Variants in TCERG1L observed in about 807,000 individuals in gnomAD.
The protein encoded by TCERG1L is transcription elongation regulator 1-like protein.
In TCERG1L, 37 loss-of-function variants were observed where a neutral mutation model predicts 56.3. That is an observed-to-expected ratio of 0.66 (90% CI 0.51 to 0.87). The LOEUF (loss-of-function observed/expected upper bound fraction) is 0.87, where lower values mean the gene tolerates loss of function less well. Among genes scored for constraint, TCERG1L ranks in the 40% least tolerant of loss-of-function variants. The pLI is 0.00. For missense variants in TCERG1L, 799 were observed against 774.2 expected (o/e 1.03, Z -0.38); for synonymous variants, 324 against 326.3 (o/e 0.99, Z 0.08).
intron 11 of TCERG1L, among the ~76,000 whole-genome samples, chr10:131,096,669 G>C (rs1279200113): frequency 6.6e-6 from 1 of 152,174 alleles, no homozygotes; most frequent in African/African-American, 2.4e-5. Context: ...GGGAGGCCAA[G>C]GCGGGTGGAT....
intron 4 of TCERG1L, among the ~76,000 whole-genome samples, chr10:131,171,370 G>A (rs896732327): frequency 3.3e-5 from 5 of 152,000 alleles, no homozygotes; most frequent in African/African-American, 4.8e-5. Flanking sequence ...TCCGTATTGC[G>A]CTTCTCAGTC....
At chr10:131,270,876 C>A (rs1846332610) in intron 3 of TCERG1L, among the ~76,000 whole-genome samples, 1 of 152,186 alleles carries the variant, frequency 6.6e-6, no homozygotes, top group South Asian at 2.1e-4. Context: ...TGGCCTGAAT[C>A]CCACCCTGCC....
chr10:131,144,661 A>G (rs1845775637), intron 7 of TCERG1L, among the ~76,000 whole-genome samples: 1 of 152,218 alleles, frequency 6.6e-6, no homozygotes, highest in Non-Finnish European at 1.5e-5. Flanking sequence ...AAATCGTTTT[A>G]TAACCACATG....
intron 4 of TCERG1L, among the ~76,000 whole-genome samples, chr10:131,210,442 A>G (rs1032622300): frequency 3.3e-5 from 5 of 152,172 alleles, no homozygotes; most frequent in African/African-American, 1.2e-4. Context: ...TCCACTCTCC[A>G]AAGACCCTCT....
intron 4 of TCERG1L, among the ~76,000 whole-genome samples, chr10:131,180,899 C>T (rs1310989059): frequency 3.3e-5 from 5 of 152,118 alleles, no homozygotes; most frequent in East Asian, 1.9e-4. Context: ...TGAATCCCCA[C>T]GCTTCCCATC....
intron 4 of TCERG1L, among the ~76,000 whole-genome samples, chr10:131,204,645 C>A (rs1426158308): frequency 6.6e-6 from 1 of 152,224 alleles, no homozygotes; most frequent in Non-Finnish European, 1.5e-5. Flanking sequence ...AATCAAAGGA[C>A]ATCTGTCCAG....
chr10:131,258,815 C>A (rs1846203115), intron 4 of TCERG1L, among the ~76,000 whole-genome samples: 1 of 152,072 alleles, frequency 6.6e-6, no homozygotes, highest in Non-Finnish European at 1.5e-5. Context: ...TGTTATGTCA[C>A]CTTATAAATC....
intron 4 of TCERG1L, among the ~76,000 whole-genome samples, chr10:131,246,742 G>C (rs1370135111): frequency 6.6e-6 from 1 of 152,130 alleles, no homozygotes; most frequent in Non-Finnish European, 1.5e-5. Context: ...GGAGGAATTG[G>C]GCAGCCACCT....
intron 8 of TCERG1L, among the ~76,000 whole-genome samples, chr10:131,130,137 A>AG (rs1223004556): frequency 6.6e-6 from 1 of 150,944 alleles, no homozygotes; most frequent in East Asian, 2.0e-4. Context: ...CGGTTCTGGG[A>AG]GGCCTCACAA....
rs567503759 is a variant in TCERG1L at position 131,282,837 on chromosome 10, C to T, written c.671-22393G>A. ...GTACATTCTTACCTGCATGATGTTA[C>T]CAGAGTTTTAAAGGAAAAAAAAGTA... On this transcript the variant is annotated intron_variant, in intron 3 of 11. Coordinates refer to ENST00000368642, the MANE Select transcript of TCERG1L (RefSeq NM_174937.4). Among the ~76,000 whole-genome samples, 21 of 152,154 alleles carry T rather than the reference C, an allele frequency of 1.4e-4. 1 individual carries two copies. The highest frequency in any genetic ancestry group is 5.1e-4 in the African/African-American group (21 of 41,512).
chr10:131,153,686 CAG>C (rs886825940), intron 6 of TCERG1L, among the ~76,000 whole-genome samples: 81 of 152,332 alleles, frequency 5.3e-4, no homozygotes, highest in African/African-American at 1.8e-3. Context: ...TTCTCAGATG[CAG>C]AGACACCCAA....
At chr10:131,173,833 C>T (rs189232807) in intron 4 of TCERG1L, among the ~76,000 whole-genome samples, 14 of 152,310 alleles carry the variant, frequency 9.2e-5, no homozygotes, top group Middle Eastern at 3.4e-3. Flanking sequence ...ACAGTGTCCT[C>T]CAGATGATGT....
At chr10:131,219,731 T>C (rs1845711081) in intron 4 of TCERG1L, among the ~76,000 whole-genome samples, 1 of 152,216 alleles carries the variant, frequency 6.6e-6, no homozygotes, top group African/African-American at 2.4e-5. Flanking sequence ...CGGGGCTGGA[T>C]ATGGGCCCTG....
intron 4 of TCERG1L, among the ~76,000 whole-genome samples, chr10:131,223,463 T>C (rs1182773533): frequency 6.6e-6 from 1 of 152,212 alleles, no homozygotes. Flanking sequence ...TCAGATACTG[T>C]TTTGGGTCCA....
chr10:131,277,206 C>T (rs1846402414), intron 3 of TCERG1L, among the ~76,000 whole-genome samples: 1 of 152,138 alleles, frequency 6.6e-6, no homozygotes, highest in African/African-American at 2.4e-5. Flanking sequence ...TCTGCTCCTC[C>T]ACCCCACGAG....
intron 4 of TCERG1L, among the ~76,000 whole-genome samples, chr10:131,241,150 C>T (rs982712947): frequency 3.4e-5 from 5 of 147,008 alleles, no homozygotes; most frequent in South Asian, 2.2e-4. Context: ...AGTGTGGATC[C>T]GGAGAGTGGA....
intron 3 of TCERG1L, among the ~76,000 whole-genome samples, chr10:131,264,939 C>A (rs944580263): frequency 7.6e-6 from 1 of 130,866 alleles, no homozygotes; most frequent in Non-Finnish European, 1.7e-5. Context: ...GACCTGTGTG[C>A]TGGTCAGTGA....
At chr10:131,302,058 G>A (rs1846767420) in intron 3 of TCERG1L, among the ~76,000 whole-genome samples, 1 of 152,058 alleles carries the variant, frequency 6.6e-6, no homozygotes, top group South Asian at 2.1e-4. Context: ...AAATTCATTT[G>A]ATCGCTTTTT....
intron 6 of TCERG1L, among the ~76,000 whole-genome samples, chr10:131,147,040 T>G (rs1845802654): frequency 6.6e-6 from 1 of 152,024 alleles, no homozygotes; most frequent in Admixed American, 6.6e-5. Flanking sequence ...GTTCCGGCAA[T>G]AGAGTAATTC....
Sources: allele counts gnomAD v4.1 joint callset (sites outside exome capture counted in the v4.1 genomes callset), GRCh38; gene constraint gnomAD v4.1.1; transcripts MANE v1.5; gene names NCBI Gene and HGNC (gene_info 2026-07-23, HGNC 2026-07-21).